The following GNA12 variants were observed in gnomAD, a reference collection of about 807,000 sequenced individuals.
The protein encoded by GNA12 is G protein subunit alpha 12.
GNA12 carries 9 observed loss-of-function variants against 26.0 expected under a neutral mutation model. That is an observed-to-expected ratio of 0.35 (90% confidence interval 0.21 to 0.60). The LOEUF (loss-of-function observed/expected upper bound fraction) is 0.60, where lower values mean the gene tolerates loss of function less well. GNA12 is among the 20% of genes least tolerant of loss of function. The pLI, the probability that GNA12 is intolerant of heterozygous loss-of-function variation, is 0.78. For missense variants in GNA12, 405 were observed against 525.8 expected (o/e 0.77, Z 2.25); for synonymous variants, 264 against 219.6 (o/e 1.20, Z -1.79).
At chr7:2,821,254 G>A (rs1793363951) in intron 1 of GNA12, among the ~76,000 whole-genome samples, 1 of 152,214 alleles carries the variant, frequency 6.6e-6, no homozygotes, top group African/African-American at 2.4e-5. Flanking sequence ...GCTGTATCCT[G>A]AGGGGAGACT....
intron 2 of GNA12, among the ~76,000 whole-genome samples, chr7:2,790,038 A>G (rs1792478258): frequency 6.6e-6 from 1 of 152,142 alleles, no homozygotes; most frequent in Non-Finnish European, 1.5e-5. Flanking sequence ...TCAACTCTGC[A>G]GGGCAGCCTC....
At chr7:2,807,372 C>T (rs4722092) in intron 1 of GNA12, among the ~76,000 whole-genome samples, 15,147 of 152,208 alleles carry the variant, frequency 0.1, 897 homozygotes, top group South Asian at 0.14. Context: ...AATTTCTAGT[C>T]TCTTGTTTCC....
chr7:2,843,008 T>C (rs1330810192), intron 1 of GNA12, among the ~76,000 whole-genome samples: 1 of 152,184 alleles, frequency 6.6e-6, no homozygotes, highest in Non-Finnish European at 1.5e-5. Context: ...GTTTTCGTAT[T>C]AGAAAGTGTG....
intron 2 of GNA12, among the ~76,000 whole-genome samples, chr7:2,794,115 C>G (rs888539002): frequency 4.6e-5 from 7 of 151,964 alleles, no homozygotes; most frequent in Admixed American, 6.6e-5. Context: ...TAAGAAATGA[C>G]TTATATGAAG....
At chr7:2,840,750 T>C (rs1778967385) in intron 1 of GNA12, among the ~76,000 whole-genome samples, 1 of 152,016 alleles carries the variant, frequency 6.6e-6, no homozygotes, top group Non-Finnish European at 1.5e-5. Context: ...CTTGGGAGGC[T>C]GAGGTGGGAG....
chr7:2,777,826 A>C (rs1325217988), intron 2 of GNA12, among the ~76,000 whole-genome samples: 3 of 152,240 alleles, frequency 2.0e-5, no homozygotes, highest in Non-Finnish European at 2.9e-5. Flanking sequence ...CTCCTGGGGA[A>C]TCTGCCCACT....
chr7:2,818,136 G>C (rs1003198200), intron 1 of GNA12, among the ~76,000 whole-genome samples: 1 of 152,178 alleles, frequency 6.6e-6, no homozygotes, highest in Admixed American at 6.5e-5. Context: ...GTAGGTTCTG[G>C]GGGGAGTCAT....
At chr7:2,761,126 C>T (rs1356722608) in intron 2 of GNA12, among the ~76,000 whole-genome samples, 1 of 152,236 alleles carries the variant, frequency 6.6e-6, no homozygotes, top group African/African-American at 2.4e-5. Context: ...TGTGGGGCTC[C>T]TCTTAGAGTT....
chr7:2,781,420 G>C (rs527245659), intron 2 of GNA12, among the ~76,000 whole-genome samples: 179 of 144,244 alleles, frequency 1.2e-3, no homozygotes, highest in Admixed American at 2.2e-3. Context: ...GTCTGTGTGT[G>C]TGTGTGTGTG....
intron 2 of GNA12, among the ~76,000 whole-genome samples, chr7:2,737,269 G>GTTTTTTTTTTTTTT (rs1317020597): frequency 1.6e-4 from 6 of 38,124 alleles, no homozygotes; most frequent in East Asian, 1.0e-3. Context: ...TCACAGTTTT[G>GTTTTTTTTTTTTTT]TTTTGTTTTT....
chr7:2,817,758 T>C (rs996567708), intron 1 of GNA12, among the ~76,000 whole-genome samples: 1 of 152,204 alleles, frequency 6.6e-6, no homozygotes, highest in African/African-American at 2.4e-5. Context: ...GGTTCCAGTA[T>C]TAGGACTGGG....
intron 2 of GNA12, among the ~76,000 whole-genome samples, chr7:2,753,048 C>A (rs540453304): frequency 2.0e-5 from 3 of 152,180 alleles, no homozygotes; most frequent in South Asian, 2.1e-4. Context: ...TTGGTAACCA[C>A]GAATCTGATT....
At chr7:2,820,401 C>CTTTTTTTTTT (rs35674433) in intron 1 of GNA12, among the ~76,000 whole-genome samples, 9 of 126,366 alleles carry the variant, frequency 7.1e-5, no homozygotes, top group African/African-American at 2.7e-4. Context: ...CTCAATAAAG[C>CTTTTTTTTTT]TTTTTTTTTT....
chr7:2,811,639 G>A (rs574193448), intron 1 of GNA12, among the ~76,000 whole-genome samples: 1 of 152,312 alleles, frequency 6.6e-6, no homozygotes, highest in South Asian at 2.1e-4. Flanking sequence ...TGTAAAGAAC[G>A]ATTGCAAAAC....
intron 1 of GNA12, among the ~76,000 whole-genome samples, chr7:2,801,435 T>C (rs1792806583): frequency 6.6e-6 from 1 of 152,148 alleles, no homozygotes; most frequent in African/African-American, 2.4e-5. Context: ...CTTCCCCAAC[T>C]ATCAGGGTGA....
intron 1 of GNA12, among the ~76,000 whole-genome samples, chr7:2,825,317 GA>G (rs1382306541): frequency 6.6e-6 from 1 of 152,156 alleles, no homozygotes; most frequent in African/African-American, 2.4e-5. Flanking sequence ...CCAGAAGCCA[GA>G]AAGCACAACA....
chr7:2,733,142 C>T (rs1400671493), intron 3 of GNA12, among the ~76,000 whole-genome samples: 1 of 152,164 alleles, frequency 6.6e-6, no homozygotes, highest in Admixed American at 6.5e-5. Flanking sequence ...CCTGGGGTTT[C>T]ATTAGACTAT....
At chr7:2,820,784 C>A (rs185334181) in intron 1 of GNA12, among the ~76,000 whole-genome samples, 21 of 152,358 alleles carry the variant, frequency 1.4e-4, no homozygotes, top group Admixed American at 6.5e-4. Context: ...GTCACCCAGG[C>A]TGGAATGCAG....
chr7:2,748,492 C>T (rs1168982307), intron 2 of GNA12, among the ~76,000 whole-genome samples: 1 of 152,056 alleles, frequency 6.6e-6, no homozygotes, highest in African/African-American at 2.4e-5. Context: ...TTCCTTACAC[C>T]TTACACAAAA....
Sources: gnomAD v4.1 joint callset for allele counts (sites outside exome capture counted in the v4.1 genomes callset) on GRCh38, gnomAD v4.1.1 for gene constraint, MANE v1.5 for transcripts, NCBI Gene and HGNC (gene_info 2026-07-23, HGNC 2026-07-21) for gene names.